The following PAMR1 variants were observed in gnomAD, a reference collection of about 807,000 sequenced individuals.
PAMR1 encodes inactive serine protease PAMR1.
PAMR1 carries 88 observed loss-of-function variants against 81.8 expected under a neutral mutation model. The observed-to-expected ratio is 1.08, with a 90% confidence interval of 0.91 to 1.28. The LOEUF (loss-of-function observed/expected upper bound fraction) is 1.28, where lower values mean the gene tolerates loss of function less well. PAMR1 is among the 50% of genes most tolerant of loss of function. The pLI, the probability that PAMR1 is intolerant of heterozygous loss-of-function variation, is 0.00. For synonymous variants in PAMR1, 336 were observed against 345.3 expected (o/e 0.97, Z 0.30); for missense variants, 935 against 919.7 (o/e 1.02, Z -0.21).
At chr11:35,511,459 T>C (rs1342256396) in intron 1 of PAMR1, among the ~76,000 whole-genome samples, 3 of 152,242 alleles carry the variant, frequency 2.0e-5, no homozygotes, top group East Asian at 3.8e-4. Flanking sequence ...AAACATCAGA[T>C]GTCAGACTAA....
At chr11:35,455,753 G>T (rs552137124) in intron 6 of PAMR1, among the ~76,000 whole-genome samples, 37 of 152,142 alleles carry the variant, frequency 2.4e-4, no homozygotes, top group Non-Finnish European at 4.4e-4. Flanking sequence ...GTGCCCAGCT[G>T]AATAAGCCAT....
intron 6 of PAMR1, among the ~76,000 whole-genome samples, chr11:35,441,925 T>G (rs1204992526): frequency 6.6e-6 from 1 of 152,230 alleles, no homozygotes; most frequent in Non-Finnish European, 1.5e-5. Flanking sequence ...TAAATAAATT[T>G]GATGCCAAAT....
intron 6 of PAMR1, among the ~76,000 whole-genome samples, chr11:35,455,638 T>G (rs1370739838): frequency 6.6e-6 from 1 of 152,166 alleles, no homozygotes; most frequent in Admixed American, 6.5e-5. Flanking sequence ...AAGCACTGCT[T>G]TGCCTTTCAG....
At chr11:35,524,314 T>C (rs1273873493) in intron 1 of PAMR1, among the ~76,000 whole-genome samples, 1 of 152,198 alleles carries the variant, frequency 6.6e-6, no homozygotes, top group East Asian at 1.9e-4. Context: ...AGATCCTACC[T>C]GGGCAGGCAG....
intron 3 of PAMR1, among the ~76,000 whole-genome samples, chr11:35,486,599 T>G (rs1048989836): frequency 6.6e-6 from 1 of 152,212 alleles, no homozygotes; most frequent in Non-Finnish European, 1.5e-5. Flanking sequence ...GACCCTCAAA[T>G]GGACACAATC....
At chr11:35,492,304 G>C in intron 2 of PAMR1, 131 bp from the exon 3 acceptor site, 3 of 936,116 alleles carry the variant, frequency 3.2e-6, no homozygotes, top group Non-Finnish European at 4.8e-6. Context: ...AAAGGTGTCA[G>C]AGCCCAGAGG....
chr11:35,435,873 G>T, intron 9 of PAMR1, 30 bp downstream of exon 9: 1 of 1,525,870 alleles, frequency 6.6e-7, no homozygotes, highest in Non-Finnish European at 9.1e-7. Flanking sequence ...GATTGAGCAT[G>T]CTCAAGCCCA....
intron 1 of PAMR1, among the ~76,000 whole-genome samples, chr11:35,512,002 G>A (rs1306587045): frequency 4.6e-5 from 7 of 152,116 alleles, no homozygotes; most frequent in Non-Finnish European, 7.4e-5. Flanking sequence ...TCTCAACCTC[G>A]GTGACCTCAG....
At chr11:35,484,187 T>C (rs1000173415) in intron 3 of PAMR1, among the ~76,000 whole-genome samples, 3 of 152,214 alleles carry the variant, frequency 2.0e-5, no homozygotes, top group Admixed American at 6.5e-5. Flanking sequence ...GTTCTTCACT[T>C]AATCTTCACA....
chr11:35,485,288 A>AAG (rs1346531266), intron 3 of PAMR1, among the ~76,000 whole-genome samples: 1 of 152,156 alleles, frequency 6.6e-6, no homozygotes, highest in South Asian at 2.1e-4. Context: ...AGTGCAGAAA[A>AAG]AGAGAGAGAG....
chr11:35,518,379 A>G (rs894409175), intron 1 of PAMR1, among the ~76,000 whole-genome samples: 2 of 151,902 alleles, frequency 1.3e-5, no homozygotes, highest in African/African-American at 4.8e-5. Context: ...TGGTGGATGC[A>G]AAAGTCTAAA....
Position 35,434,681 on chromosome 11 carries a change from A to G in PAMR1, c.1457T>C (p.Phe486Ser), listed in dbSNP as rs1855996425. The part of the protein sequence containing the change: ...HDGSLHKGAW[F>S]LVCSGALVNE... ...CACCAGGGCACCGCTGCAGACTAGG[A>G]ACCACGCTCCCTTGTGTAGGCTGCC... Residue 486 changes from phenylalanine (F) to serine (S), a missense_variant, in exon 10 of 11, where the codon TTC (phenylalanine) becomes TCC (serine). Physicochemically the swap from Phe to Ser is radical, Grantham distance 155 (BLOSUM62 -2). Transcript: ENST00000619888. 1 of 1,614,030 alleles carries G rather than the reference A, an allele frequency of 6.2e-7. No individual in the cohort carries two copies. The highest frequency in any genetic ancestry group is 1.3e-5 in the African/African-American group (1 of 74,906).
intron 3 of PAMR1, among the ~76,000 whole-genome samples, chr11:35,491,030 A>C (rs1238018409): frequency 1.3e-5 from 2 of 152,222 alleles, no homozygotes; most frequent in Non-Finnish European, 2.9e-5. Context: ...CCTGGAACAT[A>C]ATCTGCCAGG....
chr11:35,498,119 T>C (rs1331407186), intron 1 of PAMR1, among the ~76,000 whole-genome samples: 1 of 152,242 alleles, frequency 6.6e-6, no homozygotes, highest in Non-Finnish European at 1.5e-5. Context: ...TTATTAATAA[T>C]ATGCTGTAGT....
At chr11:35,436,225 T>C in intron 8 of PAMR1, 90 bp from the exon 9 acceptor site, 1 of 792,312 alleles carries the variant, frequency 1.3e-6, no homozygotes, top group Admixed American at 2.1e-5. Flanking sequence ...CCCATGTAGA[T>C]ATTTGTTTAC....
At chr11:35,443,173 A>G (rs1422388494) in intron 6 of PAMR1, among the ~76,000 whole-genome samples, 3 of 141,006 alleles carry the variant, frequency 2.1e-5, no homozygotes, top group Non-Finnish European at 4.6e-5. Flanking sequence ...TGTGCAATGC[A>G]ACTGTGCTTT....
At chr11:35,501,861 T>C (rs1017192443) in intron 1 of PAMR1, among the ~76,000 whole-genome samples, 15 of 152,216 alleles carry the variant, frequency 9.9e-5, no homozygotes, top group African/African-American at 3.6e-4. Flanking sequence ...TGATTCCATA[T>C]CTTGTCTATA....
chr11:35,493,641 T>TA (rs1334754385), intron 2 of PAMR1, among the ~76,000 whole-genome samples: 2 of 152,196 alleles, frequency 1.3e-5, no homozygotes, highest in African/African-American at 4.8e-5. Context: ...CCACCTTCTC[T>TA]AGTAAGTCTT....
chr11:35,506,508 G>A (rs1333436364), intron 1 of PAMR1, among the ~76,000 whole-genome samples: 2 of 150,464 alleles, frequency 1.3e-5, no homozygotes, highest in Admixed American at 1.3e-4. Flanking sequence ...AATTCTCTCA[G>A]CTTTTGTTTA....
Sources: allele counts gnomAD v4.1 joint callset (sites outside exome capture counted in the v4.1 genomes callset), GRCh38; gene constraint gnomAD v4.1.1; transcripts MANE v1.5; gene names NCBI Gene and HGNC (gene_info 2026-07-23, HGNC 2026-07-21).